The following DCDC2 variants were observed in gnomAD, a reference collection of about 807,000 sequenced individuals.
The protein encoded by DCDC2 is doublecortin domain-containing protein 2.
Under a neutral mutation model 50.2 loss-of-function variants are expected in DCDC2, and 40 were observed. The observed-to-expected ratio is 0.80, with a 90% CI of 0.62 to 1.04. The LOEUF (loss-of-function observed/expected upper bound fraction) is 1.04. DCDC2 is among the 50% of genes least tolerant of loss of function. The pLI is 0.00. For synonymous variants in DCDC2, 234 were observed against 210.6 expected, an observed-to-expected ratio of 1.11 and a Z score of -0.96; for missense variants, 570 against 581.9, an observed-to-expected ratio of 0.98 and a Z score of 0.21.
intron 7 of DCDC2, among the ~76,000 whole-genome samples, chr6:24,268,354 G>A (rs1763170257): frequency 6.6e-6 from 1 of 152,070 alleles, no homozygotes; most frequent in Non-Finnish European, 1.5e-5. Flanking sequence ...GGATGTGGTG[G>A]CGCATGCCTG....
intron 2 of DCDC2, among the ~76,000 whole-genome samples, chr6:24,340,752 G>C (rs944151580): frequency 6.6e-6 from 1 of 152,094 alleles, no homozygotes; most frequent in Non-Finnish European, 1.5e-5. Flanking sequence ...TTGAGACAAT[G>C]TCTCACTCTG....
the DCDC2 span, among the ~76,000 whole-genome samples, chr6:24,363,253 A>G: frequency 1.3e-5 from 2 of 152,140 alleles, no homozygotes; most frequent in Admixed American, 1.3e-4. Flanking sequence ...CAGCACTTTG[A>G]GATGCTGAGG....
intron 2 of DCDC2, among the ~76,000 whole-genome samples, chr6:24,335,336 G>A (rs914338842): frequency 1.3e-5 from 2 of 152,202 alleles, no homozygotes; most frequent in Admixed American, 1.3e-4. Context: ...TCCTGAAGAG[G>A]AGGAGTGTAT....
chr6:24,358,840 TA>T (rs1328603095), upstream of DCDC2, among the ~76,000 whole-genome samples: 2 of 49,118 alleles, frequency 4.1e-5, no homozygotes, highest in East Asian at 6.6e-4. Context: ...TTTATATATA[TA>T]TTTATATATT....
At chr6:24,242,098 C>T (rs1581606654) in intron 7 of DCDC2, among the ~76,000 whole-genome samples, 1 of 152,122 alleles carries the variant, frequency 6.6e-6, no homozygotes, top group East Asian at 1.9e-4. Context: ...TCACTTGAGC[C>T]AGGAAGTTGA....
At chr6:24,301,064 A>AG (rs2113837361) in intron 4 of DCDC2, among the ~76,000 whole-genome samples, 1 of 150,194 alleles carries the variant, frequency 6.7e-6, no homozygotes, top group African/African-American at 2.5e-5. Flanking sequence ...AAAAAAAAAA[A>AG]CGGACAATTA....
rs1554146325 is a variant in DCDC2 at position 24,220,877 on chromosome 6, C to CGAGAGCGA, written c.923-15783_923-15776dup. Among the ~76,000 whole-genome samples the CGAGAGCGA allele has an allele frequency of 7.6e-3, 134 of 17,548 alleles. 4 individuals are homozygous for CGAGAGCGA. Among genetic ancestry groups the CGAGAGCGA allele is most frequent in the Non-Finnish European group, 0.011 (113 of 9,998 alleles). The allele number at this position is 17,548 out of a possible 152,430, so 11.5% of individuals were successfully genotyped here. The stretch of plus-strand genomic sequence containing the variant: ...AGGAGAGAGACAGAGAGCAAGAGAG[C>CGAGAGCGA]GAGAGCGAGAGAGTGAGCGAGCGAG... On this transcript the variant is annotated intron_variant, in intron 7 of 9. Transcript: ENST00000378454.
intron 8 of DCDC2, among the ~76,000 whole-genome samples, chr6:24,199,561 C>A (rs116482575): frequency 0.015 from 2,274 of 152,186 alleles, 53 homozygotes; most frequent in African/African-American, 0.051. Context: ...GACAATAAAC[C>A]AGTAAAAAAG....
chr6:24,218,191 C>T (rs1581592908), intron 7 of DCDC2, among the ~76,000 whole-genome samples: 3 of 152,094 alleles, frequency 2.0e-5, no homozygotes, highest in African/African-American at 7.2e-5. Context: ...AATATCAAAT[C>T]AATGGGAAAA....
At chr6:24,374,294 G>A in the DCDC2 span, among the ~76,000 whole-genome samples, 6 of 152,150 alleles carry the variant, frequency 3.9e-5, no homozygotes, top group Non-Finnish European at 8.8e-5. Flanking sequence ...GTAGCCAGGA[G>A]AGGTGGCTCA....
intron 7 of DCDC2, among the ~76,000 whole-genome samples, chr6:24,231,618 A>G (rs1202203515): frequency 2.0e-5 from 3 of 151,998 alleles, no homozygotes; most frequent in Non-Finnish European, 4.4e-5. Context: ...TACTTAGGAA[A>G]CCTTTATCTG....
chr6:24,203,033 T>A (rs1479051333), intron 8 of DCDC2, among the ~76,000 whole-genome samples: 1 of 152,158 alleles, frequency 6.6e-6, no homozygotes, highest in Non-Finnish European at 1.5e-5. Flanking sequence ...ATAGGAAGAA[T>A]TGATATTGTG....
At chr6:24,244,771 G>A (rs555751709) in intron 7 of DCDC2, among the ~76,000 whole-genome samples, 34 of 152,262 alleles carry the variant, frequency 2.2e-4, no homozygotes, top group African/African-American at 6.5e-4. Flanking sequence ...TTTCCTCCAC[G>A]TGAAAACTCT....
At chr6:24,329,651 T>G (rs1759932682) in intron 2 of DCDC2, among the ~76,000 whole-genome samples, 1 of 152,300 alleles carries the variant, frequency 6.6e-6, no homozygotes, top group Middle Eastern at 3.4e-3. Context: ...TCATCTAAGT[T>G]TTGCAACAAG....
In DCDC2 at chr6:24,298,686, T is replaced by C. The variant is rs929687935; in HGVS notation, c.557+3029A>G. On this transcript the variant is annotated intron_variant, in intron 4 of 9. Transcript: ENST00000378454. ...AATAGTCAATAGATGATGTTGTATA[T>C]TAAATAAAAATCCCAAAACAATGAA... Among the ~76,000 whole-genome samples the C allele has an allele frequency of 1.7e-4, 26 of 152,132 alleles. 1 individual carries two copies. The highest frequency in any genetic ancestry group is 1.6e-3 in the Admixed American group (24 of 15,288).
chr6:24,297,133 T>TA (rs143481239), intron 4 of DCDC2, among the ~76,000 whole-genome samples: 21,132 of 152,070 alleles, frequency 0.14, 1,697 homozygotes, highest in African/African-American at 0.21. Flanking sequence ...TATGCAGCCA[T>TA]AAAAAAGGGT....
At chr6:24,197,663 G>A (rs146372189) in intron 8 of DCDC2, among the ~76,000 whole-genome samples, 5 of 152,124 alleles carry the variant, frequency 3.3e-5, no homozygotes, top group South Asian at 2.1e-4. Context: ...TCAGGAAGAC[G>A]ACACTTGCAG....
rs138388647 is a variant in DCDC2, at chr6:24,225,328, G to A, written c.923-20226C>T. On this transcript the variant is annotated intron_variant, in intron 7 of 9. Coordinates refer to ENST00000378454, the MANE Select transcript of DCDC2 (RefSeq NM_016356.5). ...CTGCAACATGTTCAACAATTTGTTA[G>A]GTGCAATCCATCTAGGAGAAGCAGT... Among the ~76,000 whole-genome samples, 296 of 152,258 alleles carry A rather than the reference G, an allele frequency of 1.9e-3. 1 individual carries two copies. The highest frequency in any genetic ancestry group is 7.0e-3 in the African/African-American group (291 of 41,550).
At position 24,178,134 on chromosome 6, in the gene DCDC2, G is replaced by A. The variant is rs146009188; in HGVS notation, c.1326+196C>T. Among the ~76,000 whole-genome samples, 238 of 152,320 alleles carry A rather than the reference G, an allele frequency of 1.6e-3. 1 individual carries two copies. The highest frequency in any genetic ancestry group is 2.9e-3 in the Non-Finnish European group (199 of 68,022). ...AATGGCAGAAGGGCAGACACAAACTGTCAGGTCAATGGCAGTATTGTTAAA... is the reference window on the plus strand; with the variant it reads ...AATGGCAGAAGGGCAGACACAAACTATCAGGTCAATGGCAGTATTGTTAAA... On this transcript the variant is annotated intron_variant, in intron 9 of 9. Coordinates refer to ENST00000378454, the MANE Select transcript of DCDC2 (RefSeq NM_016356.5).
Sources: gnomAD v4.1 joint callset for allele counts (sites outside exome capture counted in the v4.1 genomes callset) on GRCh38, gnomAD v4.1.1 for gene constraint, MANE v1.5 for transcripts, NCBI Gene and HGNC (gene_info 2026-07-23, HGNC 2026-07-21) for gene names.